Variants in HS6ST3 observed in about 807,000 individuals in gnomAD.
HS6ST3 encodes the protein heparan-sulfate 6-O-sulfotransferase 3.
HS6ST3 carries 12 observed loss-of-function variants against 36.7 expected under a neutral mutation model. The observed-to-expected ratio is 0.33, with a 90% CI of 0.21 to 0.53. HS6ST3 has a LOEUF of 0.53. Ranked by LOEUF, HS6ST3 falls within the 20% of genes least tolerant of loss-of-function variation. The probability of loss-of-function intolerance (pLI) is 0.95; values close to 1 mark genes in which losing one functional copy is unlikely to be tolerated. For synonymous variants in HS6ST3, 240 were observed against 257.5 expected, an observed-to-expected ratio of 0.93 and a Z score of 0.65; for missense variants, 584 against 640.9, an observed-to-expected ratio of 0.91 and a Z score of 0.96.
chr13:96,211,497 A>C (rs1419737333), intron 1 of HS6ST3, among the ~76,000 whole-genome samples: 1 of 152,220 alleles, frequency 6.6e-6, no homozygotes, highest in Non-Finnish European at 1.5e-5. Context: ...ATCTCAGCTT[A>C]GTACTTTTGA....
intron 1 of HS6ST3, among the ~76,000 whole-genome samples, chr13:96,524,676 C>T (rs913778183): frequency 6.6e-6 from 1 of 152,206 alleles, no homozygotes; most frequent in African/African-American, 2.4e-5. Context: ...GGGCATGGGA[C>T]CTGCCGAGCC....
rs1876811301 is a variant in HS6ST3, at chr13:96,755,728, A to G, written c.708-76762A>G. The stretch of plus-strand genomic sequence containing the variant: ...TATGAATGTAAGCCAGCTTTTAAAA[A>G]TCCATTTTCCTACTAATAGACTTTT... On this transcript the variant is annotated intron_variant, in intron 1 of 1. Coordinates refer to ENST00000376705, the MANE Select transcript of HS6ST3 (RefSeq NM_153456.4). Among the ~76,000 whole-genome samples the G allele has an allele frequency of 3.3e-5, 5 of 152,282 alleles. No homozygotes were observed. The South Asian group carries it at 1.0e-3, about 32-fold the overall frequency.
chr13:96,480,095 A>G (rs1260758233), intron 1 of HS6ST3, among the ~76,000 whole-genome samples: 1 of 152,058 alleles, frequency 6.6e-6, no homozygotes, highest in African/African-American at 2.4e-5. Flanking sequence ...AGGACTAGGA[A>G]GCTCTCCATT....
At chr13:96,453,009 C>T (rs1199096176) in intron 1 of HS6ST3, among the ~76,000 whole-genome samples, 3 of 151,808 alleles carry the variant, frequency 2.0e-5, no homozygotes, top group Admixed American at 6.6e-5. Flanking sequence ...TTGGGGTTGC[C>T]CCTCTACCTC....
At chr13:96,504,190 G>A (rs1328059) in intron 1 of HS6ST3, among the ~76,000 whole-genome samples, 119,929 of 151,574 alleles carry the variant, frequency 0.79, 49,191 homozygotes, top group Non-Finnish European at 0.9. Context: ...CCGGAGTACA[G>A]AAGATGAACT....
At chr13:96,494,236 C>A (rs1042564038) in intron 1 of HS6ST3, among the ~76,000 whole-genome samples, 3 of 152,008 alleles carry the variant, frequency 2.0e-5, no homozygotes, top group African/African-American at 7.2e-5. Context: ...AGTTCATATC[C>A]TTTGTAGGGA....
rs1201331001 is a variant in HS6ST3 at position 96,834,560 on chromosome 13, G to A, written c.*1362G>A. 6.6e-6 allele frequency: 1 copy of A among 152,514 alleles called. No homozygotes were observed. Among genetic ancestry groups the A allele is most frequent in the Non-Finnish European group, 1.5e-5 (1 of 68,038 alleles). 9.4% of individuals were successfully genotyped at this position (152,514 alleles called of 1,614,324 possible). A position where few individuals can be genotyped will look rare whatever the true frequency, so the allele number is the denominator to read the frequency against. On this transcript the variant is annotated 3_prime_UTR_variant, in exon 2 of 2. Transcript: ENST00000376705. Reference sequence around the variant, plus strand: ...ATTGACTAATAAGGGAATATGTATGGAAGAAGGAAGAGAAAGCCTTTGTCT... The same window carrying A: ...ATTGACTAATAAGGGAATATGTATGAAAGAAGGAAGAGAAAGCCTTTGTCT...
At chr13:96,110,871 A>G (rs2053865174) in intron 1 of HS6ST3, among the ~76,000 whole-genome samples, 2 of 152,186 alleles carry the variant, frequency 1.3e-5, no homozygotes, top group South Asian at 2.1e-4. Context: ...TGAAGACTTC[A>G]GAAGCAGTAA....
intron 1 of HS6ST3, among the ~76,000 whole-genome samples, chr13:96,603,343 C>T (rs2056428181): frequency 1.3e-5 from 2 of 152,188 alleles, no homozygotes; most frequent in African/African-American, 4.8e-5. Flanking sequence ...TTGTTCTTGT[C>T]TTTGCCTTCT....
Position 96,458,333 on chromosome 13 carries a change from C to T in HS6ST3, c.707+366764C>T, listed in dbSNP as rs540303861. ...AAAAAAAGAGAGAGAGAGAGAAAGA[C>T]GAAGTGTATGGATTGGTTGCACTAC... On this transcript the variant is annotated intron_variant, in intron 1 of 1. Transcript: ENST00000376705. 1.5e-4 allele frequency among the ~76,000 whole-genome samples: 23 copies of T among 152,078 alleles called. No individual in the cohort carries two copies. In the East Asian group the frequency reaches 3.7e-3, roughly 24 times the overall value.
chr13:96,127,079 C>G (rs960448981), intron 1 of HS6ST3, among the ~76,000 whole-genome samples: 2 of 152,078 alleles, frequency 1.3e-5, no homozygotes, highest in Non-Finnish European at 2.9e-5. Context: ...TATTTCATAC[C>G]TGTAATGGAC....
At chr13:96,727,598 A>G (rs143339599) in intron 1 of HS6ST3, among the ~76,000 whole-genome samples, 6 of 152,284 alleles carry the variant, frequency 3.9e-5, no homozygotes, top group African/African-American at 1.4e-4. Context: ...AATAAAAAAT[A>G]AAATAAAAAA....
At chr13:96,625,581 TTTAAA>T (rs2056509285) in intron 1 of HS6ST3, among the ~76,000 whole-genome samples, 1 of 152,166 alleles carries the variant, frequency 6.6e-6, no homozygotes, top group African/African-American at 2.4e-5. Flanking sequence ...CAAATTACAC[TTTAAA>T]TTATTATATT....
chr13:96,115,120 G>T (rs1469954105), intron 1 of HS6ST3, among the ~76,000 whole-genome samples: 1 of 152,168 alleles, frequency 6.6e-6, no homozygotes, highest in Non-Finnish European at 1.5e-5. Context: ...GGGTCATTCT[G>T]TTGAAGGGGT....
chr13:96,262,589 A>G (rs557654743), intron 1 of HS6ST3, among the ~76,000 whole-genome samples: 2 of 152,208 alleles, frequency 1.3e-5, no homozygotes, highest in Non-Finnish European at 2.9e-5. Context: ...AGTTTTTAAG[A>G]GTTACATGGT....
At chr13:96,767,977 C>G (rs914625152) in intron 1 of HS6ST3, among the ~76,000 whole-genome samples, 5 of 152,118 alleles carry the variant, frequency 3.3e-5, no homozygotes, top group Non-Finnish European at 7.4e-5. Context: ...CTTTGGAAGC[C>G]GTTATACTTT....
At chr13:96,163,492 GT>G in intron 1 of HS6ST3, among the ~76,000 whole-genome samples, 1 of 152,102 alleles carries the variant, frequency 6.6e-6, no homozygotes, top group Admixed American at 6.5e-5. Flanking sequence ...ACCTCCCAAA[GT>G]GCTGGGATTA....
chr13:96,748,288 A>T (rs1876610941), intron 1 of HS6ST3, among the ~76,000 whole-genome samples: 1 of 152,052 alleles, frequency 6.6e-6, no homozygotes, highest in African/African-American at 2.4e-5. Context: ...GGTTGGAGAA[A>T]CAGAGCTCCT....
chr13:96,208,101 C>A (rs1048470974), intron 1 of HS6ST3, among the ~76,000 whole-genome samples: 2 of 151,994 alleles, frequency 1.3e-5, no homozygotes, highest in Non-Finnish European at 2.9e-5. Context: ...TTGAACATTT[C>A]AAAAAATACA....
Sources: gnomAD v4.1 joint callset for allele counts (sites outside exome capture counted in the v4.1 genomes callset) on GRCh38, gnomAD v4.1.1 for gene constraint, MANE v1.5 for transcripts, NCBI Gene and HGNC (gene_info 2026-07-23, HGNC 2026-07-21) for gene names.